Variants in AIG1 observed in about 807,000 individuals in gnomAD.
AIG1 encodes the protein androgen-induced gene 1 protein.
In AIG1, 23 loss-of-function variants were observed where a neutral mutation model predicts 31.4. The ratio of observed to expected loss-of-function variants is 0.73; its 90% confidence interval spans 0.53 to 1.04. The LOEUF is 1.04. Ranked by LOEUF, AIG1 falls within the 50% of genes least tolerant of loss-of-function variation. AIG1 has a pLI of 0.00. For synonymous variants in AIG1, 100 were observed against 110.5 expected (o/e 0.90, Z 0.60); for missense variants, 274 against 295.0 (o/e 0.93, Z 0.52).
chr6:143,121,436 A>C (rs527476040), intron 1 of AIG1, among the ~76,000 whole-genome samples: 2 of 152,350 alleles, frequency 1.3e-5, no homozygotes, highest in African/African-American at 4.8e-5. Context: ...ACAACTTTAC[A>C]TTACATAATC....
At chr6:143,196,346 AAG>A (rs1790220916) in intron 3 of AIG1, among the ~76,000 whole-genome samples, 1 of 118,146 alleles carries the variant, frequency 8.5e-6, no homozygotes, top group South Asian at 3.0e-4. Context: ...AAAGCAACAA[AAG>A]CAACACACAC....
chr6:143,263,337 T>C (rs774803876), intron 3 of AIG1, among the ~76,000 whole-genome samples: 6 of 151,998 alleles, frequency 3.9e-5, no homozygotes, highest in African/African-American at 7.2e-5. Flanking sequence ...CACTCTCTTA[T>C]TTCTGATGTC....
At chr6:143,188,459 G>T (rs1300569626) in intron 3 of AIG1, 1 of 985,240 alleles carries the variant, frequency 1.0e-6, no homozygotes, top group East Asian at 1.1e-4. Context: ...GGAAGTCAGG[G>T]TTAGAGTGGC....
chr6:143,062,468 G>A (rs1384615001), intron 1 of AIG1, among the ~76,000 whole-genome samples: 1 of 152,144 alleles, frequency 6.6e-6, no homozygotes, highest in African/African-American at 2.4e-5. Context: ...TTTTCTGTCT[G>A]TTCCTTTTAG....
intron 2 of AIG1, among the ~76,000 whole-genome samples, chr6:143,146,558 T>C (rs1221945055): frequency 6.6e-6 from 1 of 151,736 alleles, no homozygotes; most frequent in African/African-American, 2.4e-5. Context: ...TCTTTCTCTC[T>C]CTACCTTTCT....
intron 1 of AIG1, among the ~76,000 whole-genome samples, chr6:143,101,727 T>TGC (rs1238782112): frequency 6.6e-6 from 1 of 152,094 alleles, no homozygotes; most frequent in African/African-American, 2.4e-5. Context: ...AGGTTATGGG[T>TGC]GCACCAAAAT....
At chr6:143,118,758 A>G (rs1253844270) in intron 1 of AIG1, among the ~76,000 whole-genome samples, 1 of 152,174 alleles carries the variant, frequency 6.6e-6, no homozygotes, top group Non-Finnish European at 1.5e-5. Context: ...AAGTCCTATG[A>G]TCCTATTAAG....
In AIG1 at chr6:143,327,764, G is replaced by A. The variant is rs1241055312; in HGVS notation, c.516-5518G>A. 6.1e-6 allele frequency: 1 copy of A among 163,310 alleles called. No homozygotes were observed. Among genetic ancestry groups the A allele is most frequent in the Admixed American group, 6.5e-5 (1 of 15,450 alleles). 10.1% of individuals were successfully genotyped at this position (163,310 alleles called of 1,614,324 possible). A position where few individuals can be genotyped will look rare whatever the true frequency, so the allele number is the denominator to read the frequency against. ...GAGAGGGAAGTATCAAAGATGACTTGCAATGTTTGAGTTACAAAACTGAAT... is the reference window on the plus strand; with the variant it reads ...GAGAGGGAAGTATCAAAGATGACTTACAATGTTTGAGTTACAAAACTGAAT... On this transcript the variant is annotated intron_variant, in intron 4 of 5. Transcript: ENST00000357847. The surrounding 1 kb of genome is among the most constrained non-coding windows in gnomAD (Gnocchi z 5.3).
chr6:143,303,648 G>A (rs1344748625), intron 4 of AIG1, among the ~76,000 whole-genome samples: 5 of 151,086 alleles, frequency 3.3e-5, no homozygotes, highest in Admixed American at 1.3e-4. Context: ...ATAGTTTGAA[G>A]TCAGGTAGCA....
chr6:143,189,694 T>G, intron 3 of AIG1: 1 of 985,404 alleles, frequency 1.0e-6, no homozygotes, highest in South Asian at 4.7e-5. Context: ...TACCTAAATG[T>G]TTTTAACTGA....
chr6:143,167,405 T>C (rs1787069746), intron 3 of AIG1, among the ~76,000 whole-genome samples: 1 of 152,216 alleles, frequency 6.6e-6, no homozygotes, highest in Non-Finnish European at 1.5e-5. Flanking sequence ...TGAAATGATG[T>C]CAGTTACCTT....
chr6:143,234,734 G>C (rs919433099), intron 3 of AIG1, among the ~76,000 whole-genome samples: 1 of 152,234 alleles, frequency 6.6e-6, no homozygotes, highest in East Asian at 1.9e-4. Flanking sequence ...GGATATTTCT[G>C]TCAGAAAAGA....
rs978007717 is a variant in AIG1 at position 143,061,079 on chromosome 6, C to T, written c.141+13C>T. On this transcript the variant is annotated intron_variant, in intron 1 of 5. Coordinates refer to ENST00000357847, the MANE Select transcript of AIG1 (RefSeq NM_016108.4). ...GTTCATTGATCTGGTAAGGCCGTCC[C>T]CTCCCCCTGCTCGCCCCGCACCCCG... 1.2e-6 allele frequency: 2 copies of T among 1,611,786 alleles called. No individual in the cohort carries two copies. Among genetic ancestry groups the T allele is most frequent in the East Asian group, 2.2e-5 (1 of 44,758 alleles).
intron 4 of AIG1, among the ~76,000 whole-genome samples, chr6:143,317,069 C>G (rs1321641808): frequency 6.6e-6 from 1 of 151,880 alleles, no homozygotes; most frequent in Admixed American, 6.6e-5. Flanking sequence ...CAGCTGAATT[C>G]TATCAGACAT....
chr6:143,141,382 A>C (rs1285938133), intron 2 of AIG1, among the ~76,000 whole-genome samples: 2 of 152,224 alleles, frequency 1.3e-5, no homozygotes, highest in Admixed American at 1.3e-4. Context: ...GAAGCCCTAA[A>C]TATGATTTTG....
At chr6:143,262,367 GCTGTGGGAGAAACTCTAACATACAGCT>G (rs1795843908) in intron 3 of AIG1, among the ~76,000 whole-genome samples, 1 of 152,168 alleles carries the variant, frequency 6.6e-6, no homozygotes, top group African/African-American at 2.4e-5. Flanking sequence ...AGAATTATTT[GCTGTGGGAGAAACTCTAACATACAGCT>G]CTGCCTTACA....
At chr6:143,249,124 A>G (rs1794820393) in intron 3 of AIG1, among the ~76,000 whole-genome samples, 1 of 152,230 alleles carries the variant, frequency 6.6e-6, no homozygotes, top group Admixed American at 6.5e-5. Flanking sequence ...TTGTAAATAC[A>G]TTGCAGTTTT....
At chr6:143,097,280 A>C (rs1236898759) in intron 1 of AIG1, among the ~76,000 whole-genome samples, 5 of 152,048 alleles carry the variant, frequency 3.3e-5, no homozygotes, top group African/African-American at 1.2e-4. Flanking sequence ...TGTAGCAAAA[A>C]ATTTAGACCT....
rs547957264 is a variant in AIG1, at chr6:143,215,210, T to C, written c.399+50027T>C. ...CATAAGATAAAATAAATAGTATTTA[T>C]GATGTCAGAATGCAAATTCTTCATT... On this transcript the variant is annotated intron_variant, in intron 3 of 5. Coordinates refer to ENST00000357847, the MANE Select transcript of AIG1 (RefSeq NM_016108.4). Among the ~76,000 whole-genome samples, 83 of 152,310 alleles carry C rather than the reference T, an allele frequency of 5.4e-4. 1 individual carries two copies. The highest frequency in any genetic ancestry group is 5.9e-4 in the Admixed American group (9 of 15,306).
Sources: gnomAD v4.1 joint callset for allele counts (sites outside exome capture counted in the v4.1 genomes callset) on GRCh38, gnomAD v4.1.1 for gene constraint, Gnocchi (gnomAD v3.1) non-coding constraint, MANE v1.5 for transcripts, NCBI Gene and HGNC (gene_info 2026-07-23, HGNC 2026-07-21) for gene names.